NPY: variants seen among roughly 807,000 people sequenced by gnomAD.
The protein encoded by NPY is pro-neuropeptide Y.
NPY carries 11 observed loss-of-function variants against 13.2 expected under a neutral mutation model. That is an observed-to-expected ratio of 0.83 (90% CI 0.52 to 1.38). The LOEUF (loss-of-function observed/expected upper bound fraction) is 1.38. Ranked by LOEUF, NPY falls within the 40% of genes most tolerant of loss-of-function variation. The pLI is 0.00. For synonymous variants in NPY, 51 were observed against 55.6 expected, an observed-to-expected ratio of 0.92 and a Z score of 0.37; for missense variants, 109 against 125.1, an observed-to-expected ratio of 0.87 and a Z score of 0.61.
In NPY at chr7:24,286,474, T is replaced by C. The variant is rs185157323; in HGVS notation, c.188+1046T>C. Among the ~76,000 whole-genome samples the C allele has an allele frequency of 2.0e-3, 298 of 152,328 alleles. 1 individual carries two copies. The highest frequency in any genetic ancestry group is 0.012 in the East Asian group (64 of 5,186). ...TGTTTAAATTATATGTTTAAAGTAT[T>C]GTGGGGTTTATATATTTATTTATTT... On this transcript the variant is annotated intron_variant, in intron 2 of 3. Transcript: ENST00000242152.
intron 3 of NPY, among the ~76,000 whole-genome samples, chr7:24,291,007 C>A (rs1228686347): frequency 6.6e-6 from 1 of 151,902 alleles, no homozygotes; most frequent in African/African-American, 2.4e-5. Flanking sequence ...TGATGTTTGC[C>A]ACAGTAAAAA....
intron 2 of NPY, among the ~76,000 whole-genome samples, chr7:24,288,497 C>A (rs1455100230): frequency 6.6e-6 from 1 of 152,030 alleles, no homozygotes; most frequent in Non-Finnish European, 1.5e-5. Flanking sequence ...TAATTTATTT[C>A]TAAACAAAGT....
rs1443829303 is a variant in NPY, at chr7:24,285,844, C to T, written c.188+416C>T. On this transcript the variant is annotated intron_variant, in intron 2 of 3. Coordinates refer to ENST00000242152, the MANE Select transcript of NPY (RefSeq NM_000905.4). This position sits in a 1 kb window ranked among gnomAD's most constrained non-coding sequence, Gnocchi z 4.9. ...TGTCTAGGAGAAACAGAACGACCACCAAAGAAAACCAAACCAAGGAGTAAA... is the reference window on the plus strand; with the variant it reads ...TGTCTAGGAGAAACAGAACGACCACTAAAGAAAACCAAACCAAGGAGTAAA... Among the ~76,000 whole-genome samples the T allele has an allele frequency of 1.3e-5, 2 of 152,168 alleles. No individual in the cohort carries two copies. The highest frequency in any genetic ancestry group is 4.8e-5 in the African/African-American group (2 of 41,434).
chr7:24,291,749 A>G lies in NPY; in HGVS notation c.*62A>G. ...TTCAGCCCATATTTCATCGTGTAAA[A>G]CGAGAATCCACCCATCCTACCAATG... On this transcript the variant is annotated 3_prime_UTR_variant, in exon 4 of 4. Transcript: ENST00000242152. The G allele has an allele frequency of 6.3e-7, 1 of 1,590,744 alleles. No individual in the cohort carries two copies. Among genetic ancestry groups the G allele is most frequent in the Non-Finnish European group, 8.6e-7 (1 of 1,159,458 alleles).
In NPY at chr7:24,285,366, G is replaced by A. The variant is rs1583570325; in HGVS notation, c.126G>A (p.Ala42=). The change falls in exon 2 of 4, where the codon GCG becomes GCA. Residue 42 remains alanine (A), a synonymous_variant. Coordinates refer to ENST00000242152, the MANE Select transcript of NPY (RefSeq NM_000905.4). This position sits in a 1 kb window ranked among gnomAD's most constrained non-coding sequence, Gnocchi z 4.9. ...KPDNPGEDAP[A]EDMARYYSAL... is the part of the protein sequence containing the mutation. Reference sequence around the variant, plus strand: ...ACAACCCGGGCGAGGACGCACCAGCGGAGGACATGGCCAGATACTACTCGG... The same window carrying A: ...ACAACCCGGGCGAGGACGCACCAGCAGAGGACATGGCCAGATACTACTCGG... The A allele has an allele frequency of 2.5e-6, 4 of 1,614,082 alleles. No homozygotes were observed. Among genetic ancestry groups the A allele is most frequent in the Non-Finnish European group, 3.4e-6 (4 of 1,180,038 alleles).
intron 2 of NPY, among the ~76,000 whole-genome samples, chr7:24,288,596 G>T (rs950550752): frequency 3.4e-5 from 5 of 145,580 alleles, no homozygotes; most frequent in African/African-American, 1.3e-4. Context: ...TGGCCGTTTT[G>T]TAGTGTTCTG....
intron 2 of NPY, among the ~76,000 whole-genome samples, chr7:24,286,239 A>C (rs151088454): frequency 6.6e-6 from 1 of 152,244 alleles, no homozygotes; most frequent in Admixed American, 6.5e-5. Flanking sequence ...ATGAAATGCC[A>C]TATTTTCACT....
intron 3 of NPY, 86 bp from the exon 4 acceptor site, chr7:24,291,577 A>T: frequency 6.8e-7 from 1 of 1,477,558 alleles, no homozygotes; most frequent in Non-Finnish European, 9.4e-7. Context: ...GTCATCTTTC[A>T]CTTCAGATCT....
At position 24,291,571 on chromosome 7, in the gene NPY, T is replaced by A. The variant is rs1157476494; in HGVS notation, c.270-92T>A. The A allele has an allele frequency of 7.6e-6, 11 of 1,444,488 alleles. No homozygotes were observed. The East Asian group carries it at 9.1e-5, about 12-fold the overall frequency. 89.5% of individuals were successfully genotyped at this position (1,444,488 alleles called of 1,614,324 possible). ...GAAACTTTTCAACAGTTCCCGGTCA[T>A]CTTTCACTTCAGATCTAAATGTCTC... is the stretch of plus-strand genomic sequence containing the variant. On this transcript the variant is annotated intron_variant, in intron 3 of 3. Coordinates refer to ENST00000242152, the MANE Select transcript of NPY (RefSeq NM_000905.4).
chr7:24,286,370 A>T (rs532519804), intron 2 of NPY, among the ~76,000 whole-genome samples: 3 of 150,784 alleles, frequency 2.0e-5, no homozygotes, highest in African/African-American at 7.3e-5. Context: ...TCTTATTTTA[A>T]TTACTGAGAT....
chr7:24,286,898 A>G (rs1787408127), intron 2 of NPY, among the ~76,000 whole-genome samples: 1 of 151,912 alleles, frequency 6.6e-6, no homozygotes, highest in Non-Finnish European at 1.5e-5. Flanking sequence ...GTAGCATAAT[A>G]CACAGTAGAA....
intron 2 of NPY, among the ~76,000 whole-genome samples, chr7:24,287,447 G>GC (rs1324278420): frequency 1.2e-5 from 1 of 85,800 alleles, no homozygotes; most frequent in African/African-American, 4.6e-5. Flanking sequence ...CTTTCCCCCC[G>GC]CCCCCCGCCA....
chr7:24,291,771 A>T lies in NPY; in HGVS notation c.*84A>T. On this transcript the variant is annotated 3_prime_UTR_variant, in exon 4 of 4. Coordinates refer to ENST00000242152, the MANE Select transcript of NPY (RefSeq NM_000905.4). ...AAAACGAGAATCCACCCATCCTACCAATGCATGCAGCCACTGTGCTGAATT... is the reference window on the plus strand; with the variant it reads ...AAAACGAGAATCCACCCATCCTACCTATGCATGCAGCCACTGTGCTGAATT... 1 of 1,455,974 alleles carries T rather than the reference A, an allele frequency of 6.9e-7. No individual in the cohort carries two copies. Among genetic ancestry groups the T allele is most frequent in the South Asian group, 1.1e-5 (1 of 87,328 alleles). The allele number at this position is 1,455,974 out of a possible 1,614,324, so 90.2% of individuals were successfully genotyped here.
intron 1 of NPY, chr7:24,284,898 G>T (rs1011990591): frequency 3.1e-5 from 12 of 391,678 alleles, no homozygotes; most frequent in Admixed American, 2.1e-4. Context: ...CAAGAAGGGA[G>T]AAAAGTGACC....
rs201856902 is a variant in NPY, at chr7:24,285,282, C to T, written c.42C>T (p.Leu14=). Residue 14 remains leucine (L), a synonymous_variant, in exon 2 of 4, where the codon CTC becomes CTT. Transcript: ENST00000242152. This position sits in a 1 kb window ranked among gnomAD's most constrained non-coding sequence, Gnocchi z 4.9. ...NKRLGLSGLT[L]ALSLLVCLGA... The stretch of plus-strand genomic sequence containing the variant: ...GACTGGGGCTGTCCGGACTGACCCT[C>T]GCCCTGTCCCTGCTCGTGTGCCTGG... 6.2e-6 allele frequency: 10 copies of T among 1,614,068 alleles called. No individual in the cohort carries two copies. In the East Asian group the frequency reaches 1.3e-4, roughly 22 times the overall value.
At chr7:24,284,781 C>G (rs367662039) in intron 1 of NPY, 1 of 180,510 alleles carries the variant, frequency 5.5e-6, no homozygotes, top group Admixed American at 5.6e-5. Context: ...CCTTCCCCAC[C>G]GCAGTCGTCA....
At position 24,285,753 on chromosome 7, in the gene NPY, G is replaced by T. The variant is rs1787342342; in HGVS notation, c.188+325G>T. On this transcript the variant is annotated intron_variant, in intron 2 of 3. Transcript: ENST00000242152. The surrounding 1 kb of genome is among the most constrained non-coding windows in gnomAD (Gnocchi z 4.9). ...CAGTGGGGCCCGGTCCAGAAATCTC[G>T]AAAGTACCCAGTGAAAGGGGCAAGA... is the stretch of plus-strand genomic sequence containing the variant. Among the ~76,000 whole-genome samples, 1 of 152,034 alleles carries T rather than the reference G, an allele frequency of 6.6e-6. No individual in the cohort carries two copies. Among genetic ancestry groups the T allele is most frequent in the Non-Finnish European group, 1.5e-5 (1 of 68,012 alleles).
intron 3 of NPY, among the ~76,000 whole-genome samples, chr7:24,290,315 C>T (rs139117391): frequency 6.6e-6 from 1 of 152,144 alleles, no homozygotes; most frequent in Non-Finnish European, 1.5e-5. Context: ...TTCATAACCT[C>T]CTGACTCTTC....
chr7:24,285,178 G>A lies in NPY; in HGVS notation c.1-63G>A, dbSNP rs1787314547. On this transcript the variant is annotated intron_variant, in intron 1 of 3. Transcript: ENST00000242152. This position sits in a 1 kb window ranked among gnomAD's most constrained non-coding sequence, Gnocchi z 4.9. The stretch of plus-strand genomic sequence containing the variant: ...GGAGGAGCGCGGGGGGCAGAGGAGG[G>A]AGGTGCTGCGCGTGGGTGCTCTGAA... 7.1e-5 allele frequency: 109 copies of A among 1,544,160 alleles called. 3 individuals carry two copies. In the South Asian group the frequency reaches 1.1e-3, roughly 16 times the overall value.
Sources: allele counts gnomAD v4.1 joint callset (sites outside exome capture counted in the v4.1 genomes callset), GRCh38; gene constraint gnomAD v4.1.1; non-coding constraint Gnocchi (gnomAD v3.1); transcripts MANE v1.5; gene names NCBI Gene and HGNC (gene_info 2026-07-23, HGNC 2026-07-21).